GADD45GIP1: variants seen among roughly 807,000 people sequenced by gnomAD.
The protein encoded by GADD45GIP1 is GADD45G interacting protein 1, also known as large ribosomal subunit protein mL64.
In GADD45GIP1, 17 loss-of-function variants were observed where a neutral mutation model predicts 22.1. The observed-to-expected ratio is 0.77, with a 90% confidence interval of 0.53 to 1.15. The LOEUF is 1.15. Ranked by LOEUF, GADD45GIP1 falls within the 50% of genes most tolerant of loss-of-function variation. The probability of loss-of-function intolerance (pLI) is 0.00; values close to 1 mark genes in which losing one functional copy is unlikely to be tolerated. For synonymous variants in GADD45GIP1, 135 were observed against 138.4 expected, an observed-to-expected ratio of 0.98 and a Z score of 0.17; for missense variants, 294 against 314.0, an observed-to-expected ratio of 0.94 and a Z score of 0.48.
chr19:12,956,869 C>T lies in GADD45GIP1; in HGVS notation c.344G>A (p.Arg115Gln). ...TCTGCCTGCACGCACGCACCTCTCC[C>T]GACGCTTCTGCTCTTCGGCCAGCTG... The part of the protein sequence containing the change: ...VKQLAEEQKR[R>Q]EREQHIAECM... Residue 115 changes from arginine (R) to glutamine (Q), a missense_variant, in exon 1 of 2, where the codon CGG becomes CAG. By Grantham distance (43) the Arg-to-Gln change is conservative (BLOSUM62 1). Transcript: ENST00000316939. 6.3e-7 allele frequency: 1 copy of T among 1,597,828 alleles called. No individual in the cohort carries two copies. Among genetic ancestry groups the T allele is most frequent in the Non-Finnish European group, 8.5e-7 (1 of 1,179,160 alleles).
chr19:12,957,177 T>A lies in GADD45GIP1; in HGVS notation c.36A>T (p.Leu12=). The A allele has an allele frequency of 7.1e-7, 1 of 1,411,516 alleles. No homozygotes were observed. Among genetic ancestry groups the A allele is most frequent in the Middle Eastern group, 2.6e-4 (1 of 3,784 alleles). The allele number at this position is 1,411,516 out of a possible 1,614,324, so 87.4% of individuals were successfully genotyped here. A position where few individuals can be genotyped will look rare whatever the true frequency, so the allele number is the denominator to read the frequency against. Residue 12 remains leucine, a synonymous_variant, in exon 1 of 2, where the codon CTA becomes CTT. Coordinates refer to ENST00000316939, the MANE Select transcript of GADD45GIP1 (RefSeq NM_052850.4). ...AASVRQARSL[L]GVAATLAPGS... ...CCGGGGCCAGGGTCGCCGCCACACC[T>A]AGTAGGCTGCGTGCCTGTCGCACGG... is the stretch of plus-strand genomic sequence containing the variant.
chr19:12,954,644 A>AT (rs1971901606), intron 1 of GADD45GIP1, 118 bp from the exon 2 acceptor site: 3 of 729,252 alleles, frequency 4.1e-6, no homozygotes, highest in Non-Finnish European at 6.7e-6. Flanking sequence ...CCCCCAGTAG[A>AT]TTAACTGTCA....
chr19:12,957,080 G>A lies in GADD45GIP1; in HGVS notation c.133C>T (p.Leu45Phe). ...CCCAGCTGCCACCGCGGGGTCAGGA[G>A]GTCCTCGGGGTCTGGCCACCGGGGT... The part of the protein sequence containing the change: ...PGPRWPDPED[L>F]LTPRWQLGPR... Residue 45 changes from leucine (L) to phenylalanine (F), a missense_variant, in exon 1 of 2, where the codon CTC becomes TTC. Coordinates refer to ENST00000316939, the MANE Select transcript of GADD45GIP1 (RefSeq NM_052850.4). 2.6e-6 allele frequency: 4 copies of A among 1,531,994 alleles called. No individual in the cohort carries two copies. The highest frequency in any genetic ancestry group is 3.5e-6 in the Non-Finnish European group (4 of 1,148,828). 94.9% of individuals were successfully genotyped at this position (1,531,994 alleles called of 1,614,324 possible). A position where few individuals can be genotyped will look rare whatever the true frequency, so the allele number is the denominator to read the frequency against.
At chr19:12,956,015 C>G (rs1168777815) in intron 1 of GADD45GIP1, among the ~76,000 whole-genome samples, 1 of 152,202 alleles carries the variant, frequency 6.6e-6, no homozygotes, top group African/African-American at 2.4e-5. Flanking sequence ...CATATCGTAT[C>G]TCAGGGCATT....
chr19:12,953,377 A>C lies in GADD45GIP1; in HGVS notation c.*831T>G. On this transcript the variant is annotated 3_prime_UTR_variant, in exon 2 of 2. Coordinates refer to ENST00000316939, the MANE Select transcript of GADD45GIP1 (RefSeq NM_052850.4). The stretch of plus-strand genomic sequence containing the variant: ...CGGAAAGGCGGCTGCTTGCCTCTCC[A>C]TCCTCCGAAAAACCCCTGAGGACCC... 2.2e-5 allele frequency: 4 copies of C among 181,704 alleles called. No individual in the cohort carries two copies. Among genetic ancestry groups the C allele is most frequent in the Non-Finnish European group, 2.3e-5 (2 of 88,818 alleles). The allele number at this position is 181,704 out of a possible 1,614,324, so 11.3% of individuals were successfully genotyped here.
rs1252484362 is a variant in GADD45GIP1 at position 12,954,031 on chromosome 19, G to GTT, written c.*175_*176dup. 1 of 611,720 alleles carries GTT rather than the reference G, an allele frequency of 1.6e-6. No individual in the cohort carries two copies. Among genetic ancestry groups the GTT allele is most frequent in the Non-Finnish European group, 2.9e-6 (1 of 345,404 alleles). The allele number at this position is 611,720 out of a possible 1,614,324, so 37.9% of individuals were successfully genotyped here. On this transcript the variant is annotated 3_prime_UTR_variant, in exon 2 of 2. Transcript: ENST00000316939. ...CCCTTTTCCTCCCACTGAAGCCCCA[G>GTT]TTAGTCAGCAGGGCCTAGAGTCCCT...
Position 12,953,499 on chromosome 19 carries a change from A to T in GADD45GIP1, c.*709T>A, listed in dbSNP as rs1333177137. 2.6e-5 allele frequency: 4 copies of T among 153,762 alleles called. No individual in the cohort carries two copies. The highest frequency in any genetic ancestry group is 9.6e-5 in the African/African-American group (4 of 41,482). 9.5% of individuals were successfully genotyped at this position (153,762 alleles called of 1,614,324 possible). A position where few individuals can be genotyped will look rare whatever the true frequency, so the allele number is the denominator to read the frequency against. On this transcript the variant is annotated 3_prime_UTR_variant, in exon 2 of 2. Transcript: ENST00000316939. ...CTTTCCATCTAGGGCAAGTCCTGAA[A>T]GGCCCAAGGCCCCCTCCCCAGTCTG...
In GADD45GIP1 at chr19:12,953,156, AAAATC is replaced by A. The variant is rs1256723121; in HGVS notation, c.*1047_*1051del. Reference sequence around the variant, plus strand: ...CATGTTTATTTAAGAAATGGAAAAAAAAATCAAAAATCTTAAAAAAACAAGCAAAC... The same window carrying A: ...CATGTTTATTTAAGAAATGGAAAAAAAAAAATCTTAAAAAAACAAGCAAAC... On this transcript the variant is annotated 3_prime_UTR_variant, in exon 2 of 2. Transcript: ENST00000316939. The A allele has an allele frequency of 1.3e-6, 1 of 781,250 alleles. No individual in the cohort carries two copies. The highest frequency in any genetic ancestry group is 1.9e-6 in the Non-Finnish European group (1 of 518,714). 48.4% of individuals were successfully genotyped at this position (781,250 alleles called of 1,614,324 possible).
At chr19:12,956,384 T>A (rs748641560) in intron 1 of GADD45GIP1, among the ~76,000 whole-genome samples, 1 of 152,220 alleles carries the variant, frequency 6.6e-6, no homozygotes, top group Non-Finnish European at 1.5e-5. Context: ...CCGGACGTGA[T>A]GGCTCACACC....
At chr19:12,956,550 A>C (rs1971926056) in intron 1 of GADD45GIP1, among the ~76,000 whole-genome samples, 1 of 152,192 alleles carries the variant, frequency 6.6e-6, no homozygotes, top group Non-Finnish European at 1.5e-5. Context: ...GCTACACCGG[A>C]GGCTAAGGCG....
chr19:12,954,830 C>A (rs1971904007), intron 1 of GADD45GIP1, among the ~76,000 whole-genome samples: 1 of 152,224 alleles, frequency 6.6e-6, no homozygotes, highest in Admixed American at 6.5e-5. Flanking sequence ...GATAATTTCA[C>A]ACCTTTATTT....
chr19:12,957,083 CCT>C lies in GADD45GIP1; in HGVS notation c.128_129del (p.Glu43GlyfsTer16). The C allele has an allele frequency of 6.5e-7, 1 of 1,532,158 alleles. No individual in the cohort carries two copies. The highest frequency in any genetic ancestry group is 8.7e-7 in the Non-Finnish European group (1 of 1,149,176). 94.9% of individuals were successfully genotyped at this position (1,532,158 alleles called of 1,614,324 possible). A position where few individuals can be genotyped will look rare whatever the true frequency, so the allele number is the denominator to read the frequency against. On this transcript the variant is annotated frameshift_variant, in exon 1 of 2. Coordinates refer to ENST00000316939, the MANE Select transcript of GADD45GIP1 (RefSeq NM_052850.4). LOFTEE classifies it high-confidence loss of function. ...AGCTGCCACCGCGGGGTCAGGAGGT[CCT>C]CGGGGTCTGGCCACCGGGGTCCCGG... is the stretch of plus-strand genomic sequence containing the variant. The part of the protein sequence containing the change: ...RRPGPRWPDP[E>X]DLLTPRWQLG...
Position 12,957,204 on chromosome 19 carries a change from C to G in GADD45GIP1, c.9G>C (p.Ala3=). 1.4e-6 allele frequency: 2 copies of G among 1,396,930 alleles called. No individual in the cohort carries two copies. Among genetic ancestry groups the G allele is most frequent in the Non-Finnish European group, 9.2e-7 (1 of 1,085,346 alleles). 86.5% of individuals were successfully genotyped at this position (1,396,930 alleles called of 1,614,324 possible). Residue 3 remains alanine (A), a synonymous_variant, in exon 1 of 2, where the codon GCG becomes GCC. Coordinates refer to ENST00000316939, the MANE Select transcript of GADD45GIP1 (RefSeq NM_052850.4). MA[A]SVRQARSLLG... is the part of the protein sequence containing the mutation. The stretch of plus-strand genomic sequence containing the variant: ...GTAGGCTGCGTGCCTGTCGCACGGA[C>G]GCCGCCATCTTGGCTGTGCGGGGTC...
In GADD45GIP1 at chr19:12,957,192, C is replaced by A; in HGVS notation, c.21G>T (p.Gln7His). The change falls in exon 1 of 2, where the codon CAG becomes CAT. Residue 7 changes from glutamine to histidine, a missense_variant. By Grantham distance (24) the Gln-to-His change is conservative. Coordinates refer to ENST00000316939, the MANE Select transcript of GADD45GIP1 (RefSeq NM_052850.4). Reference sequence around the variant, plus strand: ...CCGCCACACCTAGTAGGCTGCGTGCCTGTCGCACGGACGCCGCCATCTTGG... The same window carrying A: ...CCGCCACACCTAGTAGGCTGCGTGCATGTCGCACGGACGCCGCCATCTTGG... MAASVR[Q>H]ARSLLGVAAT... 1 of 1,403,354 alleles carries A rather than the reference C, an allele frequency of 7.1e-7. No homozygotes were observed. Among genetic ancestry groups the A allele is most frequent in the Non-Finnish European group, 9.2e-7 (1 of 1,088,950 alleles). 86.9% of individuals were successfully genotyped at this position (1,403,354 alleles called of 1,614,324 possible).
rs751571757 is a variant in GADD45GIP1 at position 12,954,342 on chromosome 19, G to GCA, written c.533_534dup (p.Leu179CysfsTer5). The stretch of plus-strand genomic sequence containing the variant: ...CGCTCCTTCTTCTCTAGGTCCTGGA[G>GCA]CAGCTCCTGGAAGCGGGCACTCCTT... On this transcript the variant is annotated frameshift_variant, in exon 2 of 2. Transcript: ENST00000316939. LOFTEE classifies it high-confidence loss of function. 1 of 1,614,184 alleles carries GCA rather than the reference G, an allele frequency of 6.2e-7. No individual in the cohort carries two copies.
Position 12,954,421 on chromosome 19 carries a change from CCT to C in GADD45GIP1, c.454_455del (p.Arg152GlufsTer7). 1 of 1,614,204 alleles carries C rather than the reference CCT, an allele frequency of 6.2e-7. No homozygotes were observed. Among genetic ancestry groups the C allele is most frequent in the Non-Finnish European group, 8.5e-7 (1 of 1,180,024 alleles). On this transcript the variant is annotated frameshift_variant, in exon 2 of 2. Transcript: ENST00000316939. LOFTEE classifies it high-confidence loss of function. ...NWEKAQADKE[R>X]RARLQAEAQE... Reference sequence around the variant, plus strand: ...GGGCCTCAGCCTGCAGTCGGGCCCTCCTCTCCTTGTCAGCCTGGGCCTTCTCC... The same window carrying C: ...GGGCCTCAGCCTGCAGTCGGGCCCTCCTCCTTGTCAGCCTGGGCCTTCTCC...
intron 1 of GADD45GIP1, among the ~76,000 whole-genome samples, chr19:12,956,633 A>G (rs1337618263): frequency 1.3e-5 from 2 of 152,180 alleles, no homozygotes; most frequent in Non-Finnish European, 2.9e-5. Context: ...CAGCCTGGGC[A>G]ACAGAGCGAG....
chr19:12,957,000 GACCACCCC>G lies in GADD45GIP1; in HGVS notation c.205_212del (p.Gly69ProfsTer78), dbSNP rs1160578027. The G allele has an allele frequency of 3.8e-6, 6 of 1,598,760 alleles. No homozygotes were observed. The South Asian group carries it at 5.5e-5, about 15-fold the overall frequency. On this transcript the variant is annotated frameshift_variant, in exon 1 of 2. Transcript: ENST00000316939. LOFTEE classifies it high-confidence loss of function. Reference sequence around the variant, plus strand: ...CCGGCGACGGCCATAACGAACCGGGGACCACCCCGGAGGCGGCGCCGTAACGCGCGAAC... The same window carrying G: ...CCGGCGACGGCCATAACGAACCGGGGGGAGGCGGCGCCGTAACGCGCGAAC...
intron 1 of GADD45GIP1, among the ~76,000 whole-genome samples, chr19:12,955,507 C>T (rs1971912942): frequency 1.3e-5 from 2 of 152,080 alleles, no homozygotes; most frequent in Admixed American, 1.3e-4. Context: ...GATTAAACAC[C>T]AGGAACACAC....
Sources: gnomAD v4.1 joint callset for allele counts (sites outside exome capture counted in the v4.1 genomes callset) on GRCh38, gnomAD v4.1.1 for gene constraint, MANE v1.5 for transcripts, NCBI Gene and HGNC (gene_info 2026-07-23, HGNC 2026-07-21) for gene names.